MOXD1: variants seen among roughly 807,000 people sequenced by gnomAD.
The protein encoded by MOXD1 is monooxygenase DBH like 1.
In MOXD1, 62 loss-of-function variants were observed where a neutral mutation model predicts 66.6. The ratio of observed to expected loss-of-function variants is 0.93; its 90% CI spans 0.76 to 1.15. MOXD1 has a LOEUF of 1.15. MOXD1 is among the 50% of genes most tolerant of loss of function. MOXD1 has a pLI of 0.00. For missense variants in MOXD1, 847 were observed against 754.6 expected, an observed-to-expected ratio of 1.12 and a Z score of -1.44; for synonymous variants, 303 against 281.9, an observed-to-expected ratio of 1.07 and a Z score of -0.75.
intron 4 of MOXD1, among the ~76,000 whole-genome samples, chr6:132,343,687 A>G (rs755732043): frequency 6.6e-6 from 1 of 152,226 alleles, no homozygotes; most frequent in Non-Finnish European, 1.5e-5. Context: ...TGACATACCT[A>G]TCAGATTGGC....
chr6:132,340,442 T>C (rs1775527903), intron 4 of MOXD1, among the ~76,000 whole-genome samples: 1 of 53,032 alleles, frequency 1.9e-5, no homozygotes, highest in South Asian at 6.5e-4. Context: ...CAACACTTTC[T>C]TTTTTTTTTT....
chr6:132,312,714 T>C (rs1161048501), intron 10 of MOXD1, among the ~76,000 whole-genome samples: 1 of 151,804 alleles, frequency 6.6e-6, no homozygotes, highest in Non-Finnish European at 1.5e-5. Flanking sequence ...AACTTGAGTA[T>C]TTCCTGAGGG....
chr6:132,386,754 TC>T (rs773285988), intron 1 of MOXD1, among the ~76,000 whole-genome samples: 2 of 151,588 alleles, frequency 1.3e-5, no homozygotes. Context: ...ATTTAATACT[TC>T]CAGTGACAAT....
intron 10 of MOXD1, among the ~76,000 whole-genome samples, chr6:132,305,162 G>A (rs1392867044): frequency 6.6e-6 from 1 of 152,240 alleles, no homozygotes; most frequent in Non-Finnish European, 1.5e-5. Context: ...GCTCCAGACT[G>A]TGCTTTTCCC....
rs754663140 is a variant in MOXD1 at position 132,328,053 on chromosome 6, C to A, written c.906G>T (p.Val302=). The A allele has an allele frequency of 6.2e-7, 1 of 1,613,690 alleles. No individual in the cohort carries two copies. The highest frequency in any genetic ancestry group is 1.3e-5 in the African/African-American group (1 of 74,860). Reference sequence around the variant, plus strand: ...GATTATCATAATGGACTTCTAGGAGCACATAATGCGGATCTAATGGAGTGC... The same window carrying A: ...GATTATCATAATGGACTTCTAGGAGAACATAATGCGGATCTAATGGAGTGC... ...SLGTPLDPHY[V]LLEVHYDNPT... Residue 302 remains valine (V), a synonymous_variant, in exon 6 of 12, where the codon GTG becomes GTT. Transcript: ENST00000367963.
At chr6:132,376,093 T>C (rs957260049) in intron 1 of MOXD1, among the ~76,000 whole-genome samples, 11 of 152,206 alleles carry the variant, frequency 7.2e-5, no homozygotes, top group Admixed American at 3.9e-4. Flanking sequence ...TTTTGTCACT[T>C]ATAAAAGACA....
intron 1 of MOXD1, among the ~76,000 whole-genome samples, chr6:132,387,764 A>G (rs1369633969): frequency 1.3e-5 from 2 of 150,166 alleles, no homozygotes; most frequent in Non-Finnish European, 3.0e-5. Flanking sequence ...AAAAAAAAAA[A>G]AAAAAAAAAA....
rs185587566 is a variant in MOXD1, at chr6:132,319,833, A to G, written c.1365+796T>C. 7.4e-4 allele frequency among the ~76,000 whole-genome samples: 112 copies of G among 152,210 alleles called. 1 individual carries two copies. The highest frequency in any genetic ancestry group is 1.4e-3 in the Non-Finnish European group (94 of 67,936). On this transcript the variant is annotated intron_variant, in intron 9 of 11. Transcript: ENST00000367963. ...AATTCCCTGTTATTCCAGGCTTGCT[A>G]AATGTCTCCCCTGTCAACAATAAAC...
intron 4 of MOXD1, among the ~76,000 whole-genome samples, chr6:132,343,262 G>A (rs969827971): frequency 2.0e-5 from 3 of 152,096 alleles, no homozygotes; most frequent in African/African-American, 2.4e-5. Context: ...GGTGAAAATG[G>A]GCAAAATACA....
chr6:132,393,372 A>G (rs1039404287), intron 1 of MOXD1, among the ~76,000 whole-genome samples: 3 of 152,162 alleles, frequency 2.0e-5, no homozygotes, highest in Non-Finnish European at 4.4e-5. Context: ...CTGAGAGAGA[A>G]TACTGGAATT....
rs564808495 is a variant in MOXD1, at chr6:132,336,063, A to G, written c.664-7469T>C. 2.0e-5 allele frequency among the ~76,000 whole-genome samples: 3 copies of G among 152,060 alleles called. No homozygotes were observed. The South Asian group carries it at 6.2e-4, about 32-fold the overall frequency. The stretch of plus-strand genomic sequence containing the variant: ...TTCCTGTACTCATTCTTCCAACTCT[A>G]CCCATTTAACCTGTGGCTCCTTGCT... On this transcript the variant is annotated intron_variant, in intron 4 of 11. Transcript: ENST00000367963.
chr6:132,382,014 G>T (rs1250145903), intron 1 of MOXD1, among the ~76,000 whole-genome samples: 1 of 151,874 alleles, frequency 6.6e-6, no homozygotes, highest in Non-Finnish European at 1.5e-5. Context: ...ATCTTCCTAT[G>T]GTGCTTTATA....
chr6:132,375,974 G>A (rs1017392625), intron 1 of MOXD1, among the ~76,000 whole-genome samples: 65 of 152,244 alleles, frequency 4.3e-4, no homozygotes, highest in African/African-American at 1.4e-3. Flanking sequence ...GCGCCCATTC[G>A]ATACATATTT....
chr6:132,300,325 G>A (rs570160498), intron 10 of MOXD1, among the ~76,000 whole-genome samples: 14 of 152,264 alleles, frequency 9.2e-5, no homozygotes, highest in South Asian at 8.3e-4. Context: ...TGACTTGAAA[G>A]AAGTTATTAT....
chr6:132,336,551 A>G (rs1299318206), intron 4 of MOXD1, among the ~76,000 whole-genome samples: 2 of 152,160 alleles, frequency 1.3e-5, no homozygotes, highest in East Asian at 1.9e-4. Context: ...TATGAGAGAC[A>G]ACCAGAATTA....
rs9483436 is a variant in MOXD1, at chr6:132,359,632, G to A, written c.663+12976C>T. Among the ~76,000 whole-genome samples the A allele has an allele frequency of 9.1e-3, 1,374 of 151,738 alleles. 26 individuals carry two copies. The highest frequency in any genetic ancestry group is 0.032 in the African/African-American group (1,311 of 41,446). On this transcript the variant is annotated intron_variant, in intron 4 of 11. Coordinates refer to ENST00000367963, the MANE Select transcript of MOXD1 (RefSeq NM_015529.4). Reference sequence around the variant, plus strand: ...CTCCCGAGTAGCTGGGACTACAGGCGCCCGCCACGAAGCCCGGCTAATTTT... The same window carrying A: ...CTCCCGAGTAGCTGGGACTACAGGCACCCGCCACGAAGCCCGGCTAATTTT...
intron 4 of MOXD1, among the ~76,000 whole-genome samples, chr6:132,352,069 G>A (rs1775813012): frequency 6.6e-6 from 1 of 152,082 alleles, no homozygotes. Context: ...TCTTTTCAAA[G>A]AATCAGCTTT....
chr6:132,347,106 T>C (rs1775683552), intron 4 of MOXD1, among the ~76,000 whole-genome samples: 1 of 152,240 alleles, frequency 6.6e-6, no homozygotes, highest in African/African-American at 2.4e-5. Flanking sequence ...TTAATCTTTA[T>C]ACGACACTGA....
chr6:132,304,052 A>G (rs1039098302), intron 10 of MOXD1, among the ~76,000 whole-genome samples: 9 of 151,484 alleles, frequency 5.9e-5, no homozygotes, highest in African/African-American at 1.9e-4. Context: ...AGTACCCCCA[A>G]TAGGGTTTGA....
Sources: gnomAD v4.1 joint callset for allele counts (sites outside exome capture counted in the v4.1 genomes callset) on GRCh38, gnomAD v4.1.1 for gene constraint, MANE v1.5 for transcripts, NCBI Gene and HGNC (gene_info 2026-07-23, HGNC 2026-07-21) for gene names.